CDH13: variants seen among roughly 807,000 people sequenced by gnomAD.
The protein encoded by CDH13 is cadherin-13.
In CDH13, 24 loss-of-function variants were observed where a neutral mutation model predicts 63.8. The observed-to-expected ratio is 0.38, with a 90% confidence interval of 0.27 to 0.53. The LOEUF (loss-of-function observed/expected upper bound fraction) is 0.53, where lower values mean the gene tolerates loss of function less well. CDH13 is among the 20% of genes least tolerant of loss of function. The pLI, the probability that CDH13 is intolerant of heterozygous loss-of-function variation, is 0.85. For synonymous variants in CDH13, 503 were observed against 355.3 expected (o/e 1.42, Z -4.67); for missense variants, 1,049 against 903.1 (o/e 1.16, Z -2.07).
At chr16:82,806,636 A>G (rs1246629767) in intron 1 of CDH13, among the ~76,000 whole-genome samples, 3 of 152,182 alleles carry the variant, frequency 2.0e-5, no homozygotes, top group Non-Finnish European at 4.4e-5. Context: ...TGGGAACCCC[A>G]GTTGAATAAT....
At chr16:83,653,316 G>A (rs1362895779) in intron 8 of CDH13, among the ~76,000 whole-genome samples, 2 of 152,150 alleles carry the variant, frequency 1.3e-5, no homozygotes, top group Non-Finnish European at 1.5e-5. Flanking sequence ...GAATCATAGC[G>A]CAATAAAACT....
At chr16:82,849,629 C>A (rs934774576) in intron 1 of CDH13, among the ~76,000 whole-genome samples, 9 of 152,194 alleles carry the variant, frequency 5.9e-5, no homozygotes, top group African/African-American at 2.2e-4. Flanking sequence ...AATACATTTT[C>A]TACATGGTTA....
intron 6 of CDH13, among the ~76,000 whole-genome samples, chr16:83,441,898 T>G (rs988551785): frequency 6.6e-6 from 1 of 152,182 alleles, no homozygotes; most frequent in Non-Finnish European, 1.5e-5. Context: ...TTTTTAAATA[T>G]AGAAGTTCAT....
intron 2 of CDH13, among the ~76,000 whole-genome samples, chr16:82,881,094 T>A (rs1355007308): frequency 1.3e-5 from 2 of 152,174 alleles, no homozygotes; most frequent in Non-Finnish European, 2.9e-5. Flanking sequence ...GCTTTAGTAT[T>A]GTTTTTTTCT....
At chr16:82,800,862 A>G (rs190927402) in intron 1 of CDH13, among the ~76,000 whole-genome samples, 4 of 152,308 alleles carry the variant, frequency 2.6e-5, no homozygotes, top group African/African-American at 7.2e-5. Context: ...TGTAGTCAGT[A>G]TTCAATTATT....
At chr16:82,747,706 TC>T (rs11350787) in intron 1 of CDH13, among the ~76,000 whole-genome samples, 40,209 of 152,088 alleles carry the variant, frequency 0.26, 5,986 homozygotes, top group South Asian at 0.38. Flanking sequence ...AGGCTTTGAA[TC>T]CACTTACAAA....
intron 1 of CDH13, among the ~76,000 whole-genome samples, chr16:82,834,629 C>G (rs1186931636): frequency 6.6e-6 from 1 of 152,216 alleles, no homozygotes; most frequent in Non-Finnish European, 1.5e-5. Context: ...AGCTTTGGGT[C>G]TGAGCCTGTT....
At chr16:83,651,343 C>T (rs1234581560) in intron 8 of CDH13, among the ~76,000 whole-genome samples, 1 of 152,110 alleles carries the variant, frequency 6.6e-6, no homozygotes, top group Admixed American at 6.5e-5. Context: ...TATCCATTTT[C>T]ATTATAACAA....
intron 4 of CDH13, among the ~76,000 whole-genome samples, chr16:83,139,906 G>C (rs999462486): frequency 2.0e-5 from 3 of 152,074 alleles, no homozygotes; most frequent in African/African-American, 7.2e-5. Flanking sequence ...GGAGGCTGAG[G>C]CAGGAGAATT....
intron 4 of CDH13, among the ~76,000 whole-genome samples, chr16:83,157,154 G>C (rs1288311494): frequency 6.6e-6 from 1 of 152,136 alleles, no homozygotes; most frequent in African/African-American, 2.4e-5. Context: ...TGACTTTTTA[G>C]ATTAATTTTG....
chr16:82,898,651 T>A (rs2041351096), intron 2 of CDH13, among the ~76,000 whole-genome samples: 1 of 152,126 alleles, frequency 6.6e-6, no homozygotes, highest in Non-Finnish European at 1.5e-5. Context: ...CAAATGTCTG[T>A]GGGGAATGTT....
At chr16:83,618,338 T>C (rs1434095548) in intron 8 of CDH13, among the ~76,000 whole-genome samples, 1 of 151,716 alleles carries the variant, frequency 6.6e-6, no homozygotes, top group Non-Finnish European at 1.5e-5. Flanking sequence ...GGCAGGAGAA[T>C]TGCTTGAACC....
rs142766825 is a variant in CDH13, at chr16:83,256,597, T to C, written c.636+39100T>C. On this transcript the variant is annotated intron_variant, in intron 5 of 13. Coordinates refer to ENST00000567109, the MANE Select transcript of CDH13 (RefSeq NM_001257.5). Reference sequence around the variant, plus strand: ...CTGTAATCCCAGCACTTTGGGAGGCTGAGGCGGGCGAATCACGAGGTCAGG... The same window carrying C: ...CTGTAATCCCAGCACTTTGGGAGGCCGAGGCGGGCGAATCACGAGGTCAGG... Among the ~76,000 whole-genome samples, 640 of 148,206 alleles carry C rather than the reference T, an allele frequency of 4.3e-3. 7 individuals carry two copies. Among genetic ancestry groups the C allele is most frequent in the African/African-American group, 0.015 (597 of 40,128 alleles).
rs139344784 is a variant in CDH13 at position 83,323,380 on chromosome 16, A to C, written c.637-21482A>C. Among the ~76,000 whole-genome samples, 224 of 151,192 alleles carry C rather than the reference A, an allele frequency of 1.5e-3. 1 individual carries two copies. The highest frequency in any genetic ancestry group is 4.8e-3 in the African/African-American group (198 of 41,192). Reference sequence around the variant, plus strand: ...AAGCTCTGACCCGCCTCCTGGGTTCAAGTGATTCTCATGCCTCAGCCTCCT... The same window carrying C: ...AAGCTCTGACCCGCCTCCTGGGTTCCAGTGATTCTCATGCCTCAGCCTCCT... On this transcript the variant is annotated intron_variant, in intron 5 of 13. Transcript: ENST00000567109.
chr16:83,510,639 A>T (rs999794213), intron 7 of CDH13, among the ~76,000 whole-genome samples: 5 of 152,070 alleles, frequency 3.3e-5, no homozygotes, highest in Admixed American at 2.6e-4. Flanking sequence ...AGGGATCAAG[A>T]CTCAAAGCTG....
chr16:83,629,749 C>G (rs1910617809), intron 8 of CDH13, among the ~76,000 whole-genome samples: 1 of 152,216 alleles, frequency 6.6e-6, no homozygotes, highest in Non-Finnish European at 1.5e-5. Context: ...CCCATCTCTT[C>G]AAGACTATTC....
At chr16:83,248,261 C>T (rs1202121890) in intron 5 of CDH13, among the ~76,000 whole-genome samples, 5 of 152,070 alleles carry the variant, frequency 3.3e-5, no homozygotes, top group African/African-American at 9.7e-5. Context: ...CATGAGCTCA[C>T]GCGTGGGTGA....
At chr16:83,326,716 G>C (rs904816788) in intron 5 of CDH13, among the ~76,000 whole-genome samples, 1 of 152,208 alleles carries the variant, frequency 6.6e-6, no homozygotes, top group East Asian at 1.9e-4. Context: ...ATGAGCAAAG[G>C]AACAAGTCAC....
chr16:82,700,681 C>G (rs1396330951), intron 1 of CDH13, among the ~76,000 whole-genome samples: 1 of 152,112 alleles, frequency 6.6e-6, no homozygotes. Context: ...GAGAAAGCAA[C>G]TGTGAGAAGA....
Sources: gnomAD v4.1 joint callset for allele counts (sites outside exome capture counted in the v4.1 genomes callset) on GRCh38, gnomAD v4.1.1 for gene constraint, MANE v1.5 for transcripts, NCBI Gene and HGNC (gene_info 2026-07-23, HGNC 2026-07-21) for gene names.